LYRM7: variants seen among roughly 807,000 people sequenced by gnomAD.
The protein encoded by LYRM7 is LYR motif containing 7, also known as complex III assembly factor LYRM7.
In LYRM7, 9 loss-of-function variants were observed where a neutral mutation model predicts 15.8. The ratio of observed to expected loss-of-function variants is 0.57; its 90% confidence interval spans 0.34 to 0.99. LYRM7 has a LOEUF of 0.99. LYRM7 is among the 50% of genes least tolerant of loss of function. The pLI, the probability that LYRM7 is intolerant of heterozygous loss-of-function variation, is 0.02. For missense variants in LYRM7, 115 were observed against 119.1 expected (o/e 0.97, Z 0.16); for synonymous variants, 39 against 39.4 (o/e 0.99, Z 0.04).
At chr5:131,197,886 A>T (rs1328735904) in intron 4 of LYRM7, among the ~76,000 whole-genome samples, 1 of 114,272 alleles carries the variant, frequency 8.8e-6, no homozygotes, top group African/African-American at 4.3e-5. Context: ...GTGTGTGTGT[A>T]AATATATATA....
intron 1 of LYRM7, among the ~76,000 whole-genome samples, chr5:131,177,263 T>C (rs1755616545): frequency 6.6e-6 from 1 of 152,238 alleles, no homozygotes; most frequent in Admixed American, 6.5e-5. Context: ...AGTTGCTTTC[T>C]AGTCTGGCTG....
At chr5:131,198,093 G>A (rs1755998802) in intron 4 of LYRM7, among the ~76,000 whole-genome samples, 1 of 151,614 alleles carries the variant, frequency 6.6e-6, no homozygotes, top group Non-Finnish European at 1.5e-5. Flanking sequence ...TACCCCAAAT[G>A]AACATTTTTA....
chr5:131,198,437 G>T (rs762249612), intron 4 of LYRM7, among the ~76,000 whole-genome samples: 6 of 152,124 alleles, frequency 3.9e-5, no homozygotes, highest in African/African-American at 9.7e-5. Flanking sequence ...TCATGTCCAT[G>T]ATGTTTTGAA....
intron 3 of LYRM7, among the ~76,000 whole-genome samples, chr5:131,185,111 C>T (rs920702792): frequency 1.3e-5 from 2 of 152,002 alleles, no homozygotes; most frequent in Non-Finnish European, 2.9e-5. Flanking sequence ...TGCTTCTAGC[C>T]GCACTCCCTA....
Position 131,203,232 on chromosome 5 carries a change from A to C in LYRM7, c.*3631A>C, listed in dbSNP as rs576091138. On this transcript the variant is annotated 3_prime_UTR_variant, in exon 5 of 5. Transcript: ENST00000379380. ...GTTTTACTGTATATCAGTTGTCACCAATCAGAAATGGAAAACAGATCCTAT... is the reference window on the plus strand; with the variant it reads ...GTTTTACTGTATATCAGTTGTCACCCATCAGAAATGGAAAACAGATCCTAT... The C allele has an allele frequency of 1.3e-5, 2 of 152,376 alleles. No homozygotes were observed. The highest frequency in any genetic ancestry group is 2.9e-5 in the Non-Finnish European group (2 of 68,034). The allele number at this position is 152,376 out of a possible 1,614,324, so 9.4% of individuals were successfully genotyped here.
intron 2 of LYRM7, among the ~76,000 whole-genome samples, chr5:131,181,429 A>AT (rs1202639913): frequency 1.8e-5 from 2 of 112,094 alleles, no homozygotes; most frequent in South Asian, 2.4e-4. Flanking sequence ...ATATATATAT[A>AT]ACATATATAT....
chr5:131,195,542 A>G (rs935198922), intron 4 of LYRM7, among the ~76,000 whole-genome samples: 2 of 152,180 alleles, frequency 1.3e-5, no homozygotes, highest in African/African-American at 4.8e-5. Context: ...AGACTTTCTC[A>G]TTCTTCCAGA....
chr5:131,198,772 T>C (rs958544216), intron 4 of LYRM7, among the ~76,000 whole-genome samples: 3 of 151,134 alleles, frequency 2.0e-5, no homozygotes, highest in Non-Finnish European at 2.9e-5. Flanking sequence ...GGTTTCACCA[T>C]GTTAGTCAGG....
intron 4 of LYRM7, among the ~76,000 whole-genome samples, chr5:131,189,103 G>A (rs909982638): frequency 2.0e-5 from 3 of 151,712 alleles, no homozygotes; most frequent in Admixed American, 6.6e-5. Context: ...CCAAGATCAT[G>A]CCACCACACT....
Position 131,204,081 on chromosome 5 carries a change from A to T in LYRM7, c.*4480A>T, listed in dbSNP as rs894832927. The T allele has an allele frequency of 6.6e-6, 1 of 150,526 alleles. No individual in the cohort carries two copies. The highest frequency in any genetic ancestry group is 2.1e-4 in the South Asian group (1 of 4,784). 9.3% of individuals were successfully genotyped at this position (150,526 alleles called of 1,614,324 possible). A position where few individuals can be genotyped will look rare whatever the true frequency, so the allele number is the denominator to read the frequency against. ...TATCATTTTTAAAGGAATATAAATT[A>T]TAGGGCCTTTTGTTTCTTTGGGTTT... On this transcript the variant is annotated 3_prime_UTR_variant, in exon 5 of 5. Transcript: ENST00000379380.
chr5:131,180,630 T>G (rs765080322), intron 2 of LYRM7, among the ~76,000 whole-genome samples: 1 of 152,210 alleles, frequency 6.6e-6, no homozygotes, highest in African/African-American at 2.4e-5. Context: ...GCTCTGAAAC[T>G]TAGGTTCTGT....
At chr5:131,179,963 G>A (rs1469050746) in intron 1 of LYRM7, 132 bp from the exon 2 acceptor site, 64 of 602,206 alleles carry the variant, frequency 1.1e-4, no homozygotes, top group Non-Finnish European at 1.2e-5. Flanking sequence ...TTGTAGAGAT[G>A]GGGGTCTCAC....
At chr5:131,179,455 CTTTTTTTTTTTTTTTTTCTT>C (rs1340001532) in intron 1 of LYRM7, among the ~76,000 whole-genome samples, 3 of 95,358 alleles carry the variant, frequency 3.1e-5, no homozygotes, top group Admixed American at 2.3e-4. Context: ...TTTTTCTTTT[CTTTTTTTTTTTTTTTTTCTT>C]TTTTTTTTTT....
intron 3 of LYRM7, 22 bp from the exon 4 acceptor site, chr5:131,187,006 A>G (rs1007251933): frequency 3.0e-6 from 4 of 1,348,180 alleles, no homozygotes; most frequent in Admixed American, 4.0e-5. Context: ...GACTTACTCT[A>G]TTTGTTTGGT....
At chr5:131,196,722 C>T (rs1370178676) in intron 4 of LYRM7, among the ~76,000 whole-genome samples, 1 of 151,390 alleles carries the variant, frequency 6.6e-6, no homozygotes, top group Non-Finnish European at 1.5e-5. Context: ...GGCTGAAGTA[C>T]AGTGGCACGA....
Position 131,200,925 on chromosome 5 carries a change from A to C in LYRM7, c.*1324A>C, listed in dbSNP as rs930528897. On this transcript the variant is annotated 3_prime_UTR_variant, in exon 5 of 5. Coordinates refer to ENST00000379380, the MANE Select transcript of LYRM7 (RefSeq NM_181705.4). ...TTCCATTTTTCATTCATATTAATTT[A>C]AATAACTCCAGATTTCTTTCTTATA... 2.6e-5 allele frequency: 4 copies of C among 152,082 alleles called. No homozygotes were observed. Among genetic ancestry groups the C allele is most frequent in the African/African-American group, 9.7e-5 (4 of 41,410 alleles). 9.4% of individuals were successfully genotyped at this position (152,082 alleles called of 1,614,324 possible).
chr5:131,192,173 C>A, intron 4 of LYRM7, among the ~76,000 whole-genome samples: 1 of 151,286 alleles, frequency 6.6e-6, no homozygotes. Flanking sequence ...GTGAAATAAG[C>A]CAGGCACAGA....
chr5:131,203,407 A>G lies in LYRM7; in HGVS notation c.*3806A>G, dbSNP rs1398834044. On this transcript the variant is annotated 3_prime_UTR_variant, in exon 5 of 5. Coordinates refer to ENST00000379380, the MANE Select transcript of LYRM7 (RefSeq NM_181705.4). Reference sequence around the variant, plus strand: ...GGAGATGACAGTTTTTCAAAAATCTATTGAGGCCAGGTGCAGTGGCCCATG... The same window carrying G: ...GGAGATGACAGTTTTTCAAAAATCTGTTGAGGCCAGGTGCAGTGGCCCATG... 1.3e-5 allele frequency: 2 copies of G among 152,244 alleles called. No homozygotes were observed. Among genetic ancestry groups the G allele is most frequent in the Non-Finnish European group, 2.9e-5 (2 of 68,056 alleles). 9.4% of individuals were successfully genotyped at this position (152,244 alleles called of 1,614,324 possible).
rs547526790 is a variant in LYRM7, at chr5:131,203,524, T to C, written c.*3923T>C. 6.6e-6 allele frequency: 1 copy of C among 152,244 alleles called. No homozygotes were observed. The highest frequency in any genetic ancestry group is 1.9e-4 in the East Asian group (1 of 5,172). The allele number at this position is 152,244 out of a possible 1,614,324, so 9.4% of individuals were successfully genotyped here. A position where few individuals can be genotyped will look rare whatever the true frequency, so the allele number is the denominator to read the frequency against. ...GCCTGACCAACATGGAGAAACCCCG[T>C]CTCTACTAAAAATACAAAATTAGCC... On this transcript the variant is annotated 3_prime_UTR_variant, in exon 5 of 5. Transcript: ENST00000379380.
Sources: gnomAD v4.1 joint callset for allele counts (sites outside exome capture counted in the v4.1 genomes callset) on GRCh38, gnomAD v4.1.1 for gene constraint, MANE v1.5 for transcripts, NCBI Gene and HGNC (gene_info 2026-07-23, HGNC 2026-07-21) for gene names.